DPP10: variants seen among roughly 807,000 people sequenced by gnomAD.
DPP10 encodes inactive dipeptidyl peptidase 10.
Under a neutral mutation model 120.9 loss-of-function variants are expected in DPP10, and 33 were observed. The observed-to-expected ratio is 0.27, with a 90% confidence interval of 0.21 to 0.37. The LOEUF is 0.37. Ranked by LOEUF, DPP10 falls within the 10% of genes least tolerant of loss-of-function variation. The probability of loss-of-function intolerance (pLI) is 1.00; values close to 1 mark genes in which losing one functional copy is unlikely to be tolerated. For synonymous variants in DPP10, 337 were observed against 326.1 expected (o/e 1.03, Z -0.36); for missense variants, 816 against 942.8 (o/e 0.87, Z 1.76).
At chr2:114,682,801 TA>T (rs879933966) in intron 1 of DPP10, among the ~76,000 whole-genome samples, 44 of 151,856 alleles carry the variant, frequency 2.9e-4, no homozygotes, top group Non-Finnish European at 3.2e-4. Context: ...TCTATCTATC[TA>T]TCTATCTATC....
At chr2:115,460,540 TTCAAGTTTC>T (rs1406769740) in intron 3 of DPP10, among the ~76,000 whole-genome samples, 1 of 152,210 alleles carries the variant, frequency 6.6e-6, no homozygotes, top group Non-Finnish European at 1.5e-5. Context: ...TACAAATATA[TTCAAGTTTC>T]TCAAGTTATC....
intron 1 of DPP10, among the ~76,000 whole-genome samples, chr2:115,288,106 T>A (rs1179736769): frequency 6.6e-6 from 1 of 152,158 alleles, no homozygotes; most frequent in African/African-American, 2.4e-5. Context: ...CTGTTTTCTA[T>A]AGATGTTTCA....
intron 1 of DPP10, among the ~76,000 whole-genome samples, chr2:114,896,545 T>A (rs1025146577): frequency 6.6e-6 from 1 of 152,088 alleles, no homozygotes; most frequent in African/African-American, 2.4e-5. Context: ...TTGTCTGTTA[T>A]TGGTGTATAA....
At chr2:115,144,588 C>T (rs1180381635) in intron 1 of DPP10, among the ~76,000 whole-genome samples, 1 of 143,846 alleles carries the variant, frequency 7.0e-6, no homozygotes, top group Non-Finnish European at 1.5e-5. Flanking sequence ...AACCTTTCCT[C>T]TTCACTCATA....
At chr2:114,887,413 G>T (rs868679731) in intron 1 of DPP10, among the ~76,000 whole-genome samples, 1 of 152,116 alleles carries the variant, frequency 6.6e-6, no homozygotes, top group Non-Finnish European at 1.5e-5. Context: ...ACATCCTTTG[G>T]CTGTAAATAT....
At chr2:115,435,046 GCACA>G (rs200504425) in intron 3 of DPP10, among the ~76,000 whole-genome samples, 1 of 59,810 alleles carries the variant, frequency 1.7e-5, no homozygotes, top group Non-Finnish European at 3.7e-5. Flanking sequence ...CTATACACAT[GCACA>G]CATATATATA....
At chr2:114,555,376 G>T (rs529492902) in intron 1 of DPP10, among the ~76,000 whole-genome samples, 4 of 152,078 alleles carry the variant, frequency 2.6e-5, no homozygotes, top group African/African-American at 9.7e-5. Flanking sequence ...CACCTTCAAG[G>T]GTCTTATATT....
intron 17 of DPP10, among the ~76,000 whole-genome samples, chr2:115,789,515 C>T (rs1207005957): frequency 6.6e-6 from 1 of 152,168 alleles, no homozygotes; most frequent in Non-Finnish European, 1.5e-5. Flanking sequence ...CAGCTGACAT[C>T]ATGCTTAATG....
intron 7 of DPP10, among the ~76,000 whole-genome samples, chr2:115,712,397 C>G (rs1334507921): frequency 6.6e-6 from 1 of 151,012 alleles, no homozygotes; most frequent in Non-Finnish European, 1.5e-5. Context: ...TGGTTCACCT[C>G]CTGCTGTGAA....
chr2:115,632,448 T>C (rs2085953488), intron 5 of DPP10, among the ~76,000 whole-genome samples: 1 of 152,084 alleles, frequency 6.6e-6, no homozygotes, highest in South Asian at 2.1e-4. Flanking sequence ...TTGGTCTTTG[T>C]TCTTCAGTGT....
At chr2:114,443,086 A>G (rs535586666) in intron 1 of DPP10, among the ~76,000 whole-genome samples, 1 of 151,680 alleles carries the variant, frequency 6.6e-6, no homozygotes, top group East Asian at 1.9e-4. Context: ...TCAGAGGTAT[A>G]TTTCCAGAAG....
chr2:115,276,544 G>C (rs12474896), intron 1 of DPP10, among the ~76,000 whole-genome samples: 29,624 of 152,110 alleles, frequency 0.19, 3,238 homozygotes, highest in East Asian at 0.37. Flanking sequence ...TCCAAGAGAA[G>C]ACTGTCACAG....
intron 1 of DPP10, among the ~76,000 whole-genome samples, chr2:115,187,375 C>T (rs1488144578): frequency 6.6e-6 from 1 of 152,094 alleles, no homozygotes; most frequent in Non-Finnish European, 1.5e-5. Context: ...GAAACAAATC[C>T]AGCTATGGAG....
intron 8 of DPP10, among the ~76,000 whole-genome samples, chr2:115,737,493 G>C (rs1228869565): frequency 6.6e-6 from 1 of 152,032 alleles, no homozygotes; most frequent in Non-Finnish European, 1.5e-5. Context: ...TTCAAATCTT[G>C]TAATGCCTGT....
At chr2:115,410,172 C>G (rs547222150) in intron 3 of DPP10, among the ~76,000 whole-genome samples, 1 of 152,144 alleles carries the variant, frequency 6.6e-6, no homozygotes, top group African/African-American at 2.4e-5. Context: ...TATAAAGATA[C>G]GTGCATGCAT....
chr2:115,540,440 TG>T (rs1477425554), intron 5 of DPP10, among the ~76,000 whole-genome samples: 1 of 151,882 alleles, frequency 6.6e-6, no homozygotes, highest in South Asian at 2.1e-4. Flanking sequence ...ATTGAATAAG[TG>T]GGGGAAACAA....
chr2:114,767,772 G>C (rs1680867779), intron 1 of DPP10, among the ~76,000 whole-genome samples: 1 of 152,146 alleles, frequency 6.6e-6, no homozygotes, highest in Non-Finnish European at 1.5e-5. Flanking sequence ...AATTTAGCTT[G>C]TGAGTAAGCT....
chr2:115,759,489 TACAC>T (rs1345584089), intron 11 of DPP10, among the ~76,000 whole-genome samples: 1 of 151,814 alleles, frequency 6.6e-6, no homozygotes, highest in African/African-American at 2.4e-5. Context: ...TTAGAATGAC[TACAC>T]TAAAATAACA....
At chr2:114,835,181 TATATA>T (rs1558792495) in intron 1 of DPP10, 1 of 149,380 alleles carries the variant, frequency 6.7e-6, no homozygotes, top group African/African-American at 2.6e-5. Flanking sequence ...CACCTATGTA[TATATA>T]GGACATATCT....
Sources: allele counts gnomAD v4.1 joint callset (sites outside exome capture counted in the v4.1 genomes callset), GRCh38; gene constraint gnomAD v4.1.1; transcripts MANE v1.5; gene names NCBI Gene and HGNC (gene_info 2026-07-23, HGNC 2026-07-21).